The following GRAMD4 variants were observed in gnomAD, a reference collection of about 807,000 sequenced individuals.
GRAMD4 encodes GRAM domain-containing protein 4.
A neutral mutation model predicts 83.9 loss-of-function variants in GRAMD4; 25 were observed. The ratio of observed to expected loss-of-function variants is 0.30; its 90% CI spans 0.22 to 0.42. The LOEUF (loss-of-function observed/expected upper bound fraction) is 0.42. GRAMD4 is among the 10% of genes least tolerant of loss of function. GRAMD4 has a pLI of 1.00. For missense variants in GRAMD4, 593 were observed against 788.7 expected, an observed-to-expected ratio of 0.75 and a Z score of 2.97; for synonymous variants, 336 against 320.9, an observed-to-expected ratio of 1.05 and a Z score of -0.50.
chr22:46,616,046 C>T (rs1217818009), upstream of GRAMD4, among the ~76,000 whole-genome samples: 2 of 114,872 alleles, frequency 1.7e-5, no homozygotes, highest in African/African-American at 6.9e-5. Context: ...GTGTAGGTTC[C>T]CCTGTGCGTG....
rs1199804016 is a variant in GRAMD4 at position 46,678,474 on chromosome 22, C to T, written c.*1223C>T. 1.0e-6 allele frequency: 1 copy of T among 985,250 alleles called. No individual in the cohort carries two copies. Among genetic ancestry groups the T allele is most frequent in the East Asian group, 1.1e-4 (1 of 8,778 alleles). The allele number at this position is 985,250 out of a possible 1,614,324, so 61.0% of individuals were successfully genotyped here. ...CATTTGTGGAGGGAGCGCCCGCAGGCCTGGTCTGCTGGGGCCGCCTGCGCT... is the reference window on the plus strand; with the variant it reads ...CATTTGTGGAGGGAGCGCCCGCAGGTCTGGTCTGCTGGGGCCGCCTGCGCT... On this transcript the variant is annotated 3_prime_UTR_variant, in exon 19 of 19. Transcript: ENST00000406902.
chr22:46,626,978 G>C lies in GRAMD4; in HGVS notation c.162+17G>C, dbSNP rs1425441667. The C allele has an allele frequency of 6.3e-7, 1 of 1,583,194 alleles. No individual in the cohort carries two copies. Among genetic ancestry groups the C allele is most frequent in the South Asian group, 1.1e-5 (1 of 90,438 alleles). On this transcript the variant is annotated intron_variant, in intron 2 of 18. Coordinates refer to ENST00000406902, the MANE Select transcript of GRAMD4 (RefSeq NM_015124.5). ...AGGGACCCTGTGAGTACCTGTCCTCGTCCCCCGGTGTGGGCTGGGGTGTCG... is the reference window on the plus strand; with the variant it reads ...AGGGACCCTGTGAGTACCTGTCCTCCTCCCCCGGTGTGGGCTGGGGTGTCG...
In GRAMD4 at chr22:46,679,098, C is replaced by A; in HGVS notation, c.*1847C>A. ...CACAGGGTGGGCACTGACCCACCCCCAGGGGCGGCTGCAGAGGCAGTGCCC... is the reference window on the plus strand; with the variant it reads ...CACAGGGTGGGCACTGACCCACCCCAAGGGGCGGCTGCAGAGGCAGTGCCC... On this transcript the variant is annotated 3_prime_UTR_variant, in exon 19 of 19. Transcript: ENST00000406902. 1 of 985,570 alleles carries A rather than the reference C, an allele frequency of 1.0e-6. No individual in the cohort carries two copies. Among genetic ancestry groups the A allele is most frequent in the Non-Finnish European group, 1.2e-6 (1 of 829,964 alleles). 61.1% of individuals were successfully genotyped at this position (985,570 alleles called of 1,614,324 possible). A position where few individuals can be genotyped will look rare whatever the true frequency, so the allele number is the denominator to read the frequency against.
At position 46,621,468 on chromosome 22, in the gene GRAMD4, C is replaced by T. The variant is rs900145184; in HGVS notation, c.-50+903C>T. On this transcript the variant is annotated intron_variant, in intron 1 of 18. Coordinates refer to ENST00000406902, the MANE Select transcript of GRAMD4 (RefSeq NM_015124.5). The surrounding 1 kb of genome is among the most constrained non-coding windows in gnomAD (Gnocchi z 5.8). Reference sequence around the variant, plus strand: ...GAGGGCACCCCTACCCCGGTGCAGGCGCAGGCTGGAGGCGTAGCCCGGGCC... The same window carrying T: ...GAGGGCACCCCTACCCCGGTGCAGGTGCAGGCTGGAGGCGTAGCCCGGGCC... 6.6e-6 allele frequency among the ~76,000 whole-genome samples: 1 copy of T among 152,036 alleles called. No homozygotes were observed.
At chr22:46,656,789 C>A (rs2082250877) in intron 3 of GRAMD4, among the ~76,000 whole-genome samples, 1 of 152,240 alleles carries the variant, frequency 6.6e-6, no homozygotes, top group Non-Finnish European at 1.5e-5. Context: ...GGGACTCCAG[C>A]AAACGCTCTT....
In GRAMD4 at chr22:46,663,032, C is replaced by T. The variant is rs781027459; in HGVS notation, c.467-8C>T. 8 of 1,602,940 alleles carry T rather than the reference C, an allele frequency of 5.0e-6. No individual in the cohort carries two copies. In the East Asian group the frequency reaches 1.8e-4, roughly 36 times the overall value. ...GCCGTGCCCTCACCGGGTCCCTGCC[C>T]CCTGCAGAGCGCCGGAGCCAGGGGC... is the stretch of plus-strand genomic sequence containing the variant. On this transcript the variant is annotated splice_polypyrimidine_tract_variant and splice_region_variant and intron_variant, in intron 5 of 18. Coordinates refer to ENST00000406902, the MANE Select transcript of GRAMD4 (RefSeq NM_015124.5).
intron 2 of GRAMD4, among the ~76,000 whole-genome samples, chr22:46,635,337 A>G (rs535461491): frequency 2.2e-3 from 3 of 1,368 alleles, no homozygotes; most frequent in Non-Finnish European, 3.3e-3. Context: ...CCCTGCCCCC[A>G]CCCCTGGCCA....
chr22:46,669,425 G>C (rs959286838), intron 13 of GRAMD4, among the ~76,000 whole-genome samples: 2 of 149,624 alleles, frequency 1.3e-5, no homozygotes, highest in African/African-American at 5.0e-5. Flanking sequence ...TGTGCCGGGA[G>C]GTGGGTGGGG....
chr22:46,663,309 G>T (rs1311867179), intron 6 of GRAMD4, 137 bp downstream of exon 6: 1 of 834,368 alleles, frequency 1.2e-6, no homozygotes, highest in African/African-American at 1.7e-5. Flanking sequence ...TGGAGGCTCC[G>T]CTGTGTCTGG....
chr22:46,602,977 G>A (rs182694394), intron 1 of GRAMD4, among the ~76,000 whole-genome samples: 3 of 151,820 alleles, frequency 2.0e-5, no homozygotes, highest in East Asian at 1.9e-4. Context: ...TCCTGATCTC[G>A]CTATCTGCCT....
At chr22:46,643,348 CATCCATCT>C (rs1244322416) in intron 3 of GRAMD4, among the ~76,000 whole-genome samples, 7 of 152,194 alleles carry the variant, frequency 4.6e-5, no homozygotes, top group African/African-American at 1.4e-4. Context: ...TCCATCCATC[CATCCATCT>C]ATTTATCCAT....
Position 46,664,063 on chromosome 22 carries a change from C to G in GRAMD4, c.663C>G (p.Asn221Lys). 1 of 1,613,630 alleles carries G rather than the reference C, an allele frequency of 6.2e-7. No homozygotes were observed. The highest frequency in any genetic ancestry group is 1.1e-5 in the South Asian group (1 of 91,084). Residue 221 changes from asparagine to lysine, a missense_variant, in exon 8 of 19, where the codon AAC becomes AAG. Transcript: ENST00000406902. ...AGCCGGTCACTAACTTTGTGAAGAA[C>G]CTCTCTGCCTTATCCGACTGGTACT... ...GAKPVTNFVK[N>K]LSALSDWYSV...
At chr22:46,669,637 G>A (rs1438600401) in intron 13 of GRAMD4, among the ~76,000 whole-genome samples, 11 of 150,670 alleles carry the variant, frequency 7.3e-5, no homozygotes, top group African/African-American at 2.2e-4. Flanking sequence ...GTGCAGTGGC[G>A]TGATCTCGGC....
intron 13 of GRAMD4, chr22:46,670,975 G>T: frequency 2.9e-6 from 1 of 345,220 alleles, no homozygotes; most frequent in Non-Finnish European, 6.7e-6. Context: ...CACTGCCACT[G>T]GGCAGCGGTG....
chr22:46,634,301 AG>A (rs1183305285), intron 2 of GRAMD4, among the ~76,000 whole-genome samples: 1 of 152,164 alleles, frequency 6.6e-6, no homozygotes, highest in South Asian at 2.1e-4. Flanking sequence ...CGCTGTGGGC[AG>A]GGTGGCTAGG....
At chr22:46,636,722 G>A (rs909939455) in intron 2 of GRAMD4, among the ~76,000 whole-genome samples, 2 of 152,242 alleles carry the variant, frequency 1.3e-5, no homozygotes, top group African/African-American at 4.8e-5. Flanking sequence ...GATGCAACGT[G>A]GAGGGCGACT....
chr22:46,583,789 A>G (rs2081120704), intron 1 of GRAMD4, among the ~76,000 whole-genome samples: 1 of 152,140 alleles, frequency 6.6e-6, no homozygotes, highest in African/African-American at 2.4e-5. Flanking sequence ...CCCACCTGAG[A>G]TGTGTTTGTC....
chr22:46,676,108 G>T (rs2082593589), intron 17 of GRAMD4, among the ~76,000 whole-genome samples: 1 of 152,228 alleles, frequency 6.6e-6, no homozygotes, highest in African/African-American at 2.4e-5. Flanking sequence ...AGCGTCCTGG[G>T]CATGTCCGCA....
At chr22:46,675,440 G>A (rs112289407) in intron 16 of GRAMD4, 28 bp from the exon 17 acceptor site, 2 of 1,542,426 alleles carry the variant, frequency 1.3e-6, no homozygotes, top group South Asian at 2.2e-5. Context: ...CAAGAGCCAG[G>A]CGACGCCTCT....
Sources: allele counts gnomAD v4.1 joint callset (sites outside exome capture counted in the v4.1 genomes callset), GRCh38; gene constraint gnomAD v4.1.1; non-coding constraint Gnocchi (gnomAD v3.1); transcripts MANE v1.5; gene names NCBI Gene and HGNC (gene_info 2026-07-23, HGNC 2026-07-21).